Variants in RFC3 observed in about 807,000 individuals in gnomAD.
RFC3 encodes replication factor C subunit 3.
Under a neutral mutation model 45.1 loss-of-function variants are expected in RFC3, and 41 were observed. The ratio of observed to expected loss-of-function variants is 0.91; its 90% CI spans 0.71 to 1.18. The LOEUF (loss-of-function observed/expected upper bound fraction) is 1.18, where lower values mean the gene tolerates loss of function less well. Ranked by LOEUF, RFC3 falls within the 50% of genes most tolerant of loss-of-function variation. The probability of loss-of-function intolerance (pLI) is 0.00; values close to 1 mark genes in which losing one functional copy is unlikely to be tolerated. For missense variants in RFC3, 423 were observed against 428.1 expected, an observed-to-expected ratio of 0.99 and a Z score of 0.10; for synonymous variants, 149 against 144.0, an observed-to-expected ratio of 1.03 and a Z score of -0.25.
intron 8 of RFC3, among the ~76,000 whole-genome samples, chr13:33,947,930 A>C (rs151216532): frequency 1.2e-3 from 185 of 152,296 alleles, no homozygotes; most frequent in African/African-American, 4.3e-3. Context: ...GCAGAGCATA[A>C]ATGTTTGGAA....
chr13:33,862,799 A>G (rs928264271), intron 8 of RFC3, among the ~76,000 whole-genome samples: 3 of 152,168 alleles, frequency 2.0e-5, no homozygotes, highest in African/African-American at 7.2e-5. Context: ...CCCAAATTAT[A>G]CAAGGAGAAG....
In RFC3 at chr13:33,932,361, T is replaced by G. The variant is rs556127965; in HGVS notation, c.880-33726T>G. Among the ~76,000 whole-genome samples the G allele has an allele frequency of 2.6e-4, 40 of 152,290 alleles. No homozygotes were observed. The South Asian group carries it at 7.0e-3, about 27-fold the overall frequency. The stretch of plus-strand genomic sequence containing the variant: ...TCAAAAAGGGGAAGAAAACTCTTTG[T>G]GACTTTCATTGGAATTGTCTTGCAG... On this transcript the variant is annotated intron_variant, in intron 8 of 8. Coordinates refer to the RFC3 transcript ENST00000434425.
chr13:33,819,029 T>C (rs2081977064), intron 1 of RFC3, among the ~76,000 whole-genome samples: 1 of 151,998 alleles, frequency 6.6e-6, no homozygotes, highest in Non-Finnish European at 1.5e-5. Context: ...TAGCTGGGAT[T>C]ACAGGCGCCC....
At chr13:33,825,525 T>C (rs1445046385) in intron 3 of RFC3, among the ~76,000 whole-genome samples, 1 of 152,186 alleles carries the variant, frequency 6.6e-6, no homozygotes, top group Non-Finnish European at 1.5e-5. Flanking sequence ...GCTAAACTGT[T>C]ACCTAATTAT....
At chr13:33,830,636 T>A in intron 5 of RFC3, 83 bp from the exon 6 acceptor site, 7 of 1,106,588 alleles carry the variant, frequency 6.3e-6, no homozygotes, top group Middle Eastern at 4.1e-4. Context: ...AATACAGTTA[T>A]AAGGGTCTAG....
At chr13:33,971,062 G>C (rs2083107582), downstream of RFC3, among the ~76,000 whole-genome samples, 1 of 151,976 alleles carries the variant, frequency 6.6e-6, no homozygotes, top group Non-Finnish European at 1.5e-5. Flanking sequence ...AAAAAATATA[G>C]AATAGAACAG....
intron 8 of RFC3, among the ~76,000 whole-genome samples, chr13:33,942,164 T>G (rs1044252659): frequency 6.6e-6 from 1 of 152,140 alleles, no homozygotes; most frequent in African/African-American, 2.4e-5. Context: ...GCATCACTTG[T>G]TGGTTTGTTT....
At chr13:33,854,887 G>A (rs1434332980) in intron 8 of RFC3, among the ~76,000 whole-genome samples, 1 of 152,070 alleles carries the variant, frequency 6.6e-6, no homozygotes, top group African/African-American at 2.4e-5. Context: ...AAGAACCAAG[G>A]CCATAGTTTA....
rs2082157530 is a variant in RFC3 at position 33,836,618 on chromosome 13, A to G, written c.*323A>G. ...ATCTCTCACCTGCTAAAGGAGATTTACACATTAGAAAGCAAAGATTATTTT... is the reference window on the plus strand; with the variant it reads ...ATCTCTCACCTGCTAAAGGAGATTTGCACATTAGAAAGCAAAGATTATTTT... On this transcript the variant is annotated 3_prime_UTR_variant, in exon 9 of 9. Coordinates refer to ENST00000380071, the MANE Select transcript of RFC3 (RefSeq NM_002915.4). 1 of 1,015,908 alleles carries G rather than the reference A, an allele frequency of 9.8e-7. No homozygotes were observed. The highest frequency in any genetic ancestry group is 1.2e-6 in the Non-Finnish European group (1 of 849,324). 62.9% of individuals were successfully genotyped at this position (1,015,908 alleles called of 1,614,324 possible). A position where few individuals can be genotyped will look rare whatever the true frequency, so the allele number is the denominator to read the frequency against.
chr13:33,870,806 C>T (rs1394921837), intron 8 of RFC3, among the ~76,000 whole-genome samples: 1 of 152,182 alleles, frequency 6.6e-6, no homozygotes, highest in African/African-American at 2.4e-5. Flanking sequence ...GATCCCAGGA[C>T]TTATAAATGC....
At chr13:33,834,329 T>TATATATATATACATAC (rs1300798923) in intron 7 of RFC3, among the ~76,000 whole-genome samples, 50 of 125,078 alleles carry the variant, frequency 4.0e-4, no homozygotes, top group African/African-American at 1.3e-3. Context: ...TATATATATA[T>TATATATATATACATAC]ATCTGTACTG....
intron 8 of RFC3, among the ~76,000 whole-genome samples, chr13:33,953,585 T>G (rs1417048284): frequency 6.6e-6 from 1 of 152,166 alleles, no homozygotes; most frequent in Non-Finnish European, 1.5e-5. Flanking sequence ...CAAAAATGAT[T>G]GCCATTTTAC....
At chr13:33,830,885 A>G (rs370791172) in intron 6 of RFC3, 30 bp downstream of exon 6, 5 of 1,584,822 alleles carry the variant, frequency 3.2e-6, no homozygotes, top group Non-Finnish European at 4.3e-6. Context: ...ACATTCTAGG[A>G]CTTTGGCCCC....
chr13:33,944,453 G>A (rs532642013), intron 8 of RFC3, among the ~76,000 whole-genome samples: 4 of 152,096 alleles, frequency 2.6e-5, no homozygotes, highest in Non-Finnish European at 5.9e-5. Context: ...TCTACTTTTA[G>A]GTGAAGGAAA....
At chr13:33,942,398 A>G (rs934665443) in intron 8 of RFC3, among the ~76,000 whole-genome samples, 11 of 152,154 alleles carry the variant, frequency 7.2e-5, no homozygotes, top group Non-Finnish European at 7.4e-5. Flanking sequence ...ACAGGCATAC[A>G]ATGTATAATA....
intron 8 of RFC3, among the ~76,000 whole-genome samples, chr13:33,920,980 C>G (rs1466434387): frequency 6.6e-6 from 1 of 152,084 alleles, no homozygotes; most frequent in East Asian, 1.9e-4. Flanking sequence ...TCAGTTATAG[C>G]ACTTACCACG....
intron 8 of RFC3, among the ~76,000 whole-genome samples, chr13:33,920,420 CT>C (rs777079510): frequency 0.033 from 2,723 of 83,086 alleles, 29 homozygotes; most frequent in African/African-American, 0.094. Flanking sequence ...TACAACCACA[CT>C]TTTTTTTTTT....
At chr13:33,825,699 T>G in intron 3 of RFC3, 90 bp from the exon 4 acceptor site, 1 of 595,142 alleles carries the variant, frequency 1.7e-6, no homozygotes, top group Admixed American at 3.8e-5. Flanking sequence ...TAATTTTGAT[T>G]AAAATTTTGA....
At chr13:33,835,105 T>C (rs3135628) in intron 7 of RFC3, 43 bp from the exon 8 acceptor site, 169,577 of 1,302,012 alleles carry the variant, frequency 0.13, 19,273 homozygotes, top group African/African-American at 0.44. Flanking sequence ...AAAAATTACC[T>C]CTTATTTTCT....
Sources: allele counts gnomAD v4.1 joint callset (sites outside exome capture counted in the v4.1 genomes callset), GRCh38; gene constraint gnomAD v4.1.1; transcripts MANE v1.5; gene names NCBI Gene and HGNC (gene_info 2026-07-23, HGNC 2026-07-21).